The following HSF2 variants were observed in gnomAD, a reference collection of about 807,000 sequenced individuals.
HSF2 encodes the protein heat shock factor protein 2.
A neutral mutation model predicts 65.0 loss-of-function variants in HSF2; 21 were observed. The ratio of observed to expected loss-of-function variants is 0.32; its 90% CI spans 0.23 to 0.47. HSF2 has a LOEUF of 0.47. Ranked by LOEUF, HSF2 falls within the 20% of genes least tolerant of loss-of-function variation. The pLI is 1.00. For missense variants in HSF2, 499 were observed against 628.1 expected (o/e 0.79, Z 2.20); for synonymous variants, 225 against 219.1 (o/e 1.03, Z -0.24).
At chr6:122,412,884 G>T in intron 3 of HSF2, 120 bp downstream of exon 3, 1 of 901,768 alleles carries the variant, frequency 1.1e-6, no homozygotes, top group South Asian at 2.9e-5. Flanking sequence ...GGATGAATTA[G>T]GATAATAAAG....
chr6:122,399,680 C>CGCCGTAGCTGCT lies in HSF2; in HGVS notation c.-54_-53insTAGCTGCTGCCG. Reference sequence around the variant, plus strand: ...CTCGGGGAGCTGCTGCCGTAGCTGCCGCCGCCGCTACCACCGCGTTCGGGT... The same window carrying CGCCGTAGCTGCT: ...CTCGGGGAGCTGCTGCCGTAGCTGCCGCCGTAGCTGCTGCCGCCGCTACCACCGCGTTCGGGT... On this transcript the variant is annotated 5_prime_UTR_variant, in exon 1 of 13. Transcript: ENST00000368455. 1.4e-6 allele frequency: 2 copies of CGCCGTAGCTGCT among 1,434,896 alleles called. No homozygotes were observed. Among genetic ancestry groups the CGCCGTAGCTGCT allele is most frequent in the East Asian group, 2.4e-5 (1 of 41,364 alleles). 88.9% of individuals were successfully genotyped at this position (1,434,896 alleles called of 1,614,324 possible). A position where few individuals can be genotyped will look rare whatever the true frequency, so the allele number is the denominator to read the frequency against.
At chr6:122,408,177 T>G (rs1385313819) in intron 1 of HSF2, among the ~76,000 whole-genome samples, 1 of 152,172 alleles carries the variant, frequency 6.6e-6, no homozygotes, top group Non-Finnish European at 1.5e-5. Context: ...GGAGTCTTTA[T>G]GCCATTCCAT....
chr6:122,423,541 G>A, intron 9 of HSF2, 40 bp from the exon 10 acceptor site: 1 of 1,046,176 alleles, frequency 9.6e-7, no homozygotes, highest in Non-Finnish European at 1.4e-6. Context: ...TAAAAACAAG[G>A]ATATCTAATA....
At chr6:122,405,551 C>T (rs887544136) in intron 1 of HSF2, among the ~76,000 whole-genome samples, 2 of 152,014 alleles carry the variant, frequency 1.3e-5, no homozygotes, top group African/African-American at 4.8e-5. Context: ...AGATTCTTAC[C>T]TTATTGGAAG....
chr6:122,400,619 C>G (rs1290990240), intron 1 of HSF2, among the ~76,000 whole-genome samples: 2 of 152,136 alleles, frequency 1.3e-5, no homozygotes, highest in African/African-American at 2.4e-5. Flanking sequence ...TAGTCCAGCC[C>G]TTTATCTTGT....
rs1774199560 is a variant in HSF2 at position 122,420,073 on chromosome 6, A to G, written c.594-62A>G. 3 of 1,522,288 alleles carry G rather than the reference A, an allele frequency of 2.0e-6. No homozygotes were observed. In the Admixed American group the frequency reaches 6.6e-5, roughly 34 times the overall value. 94.3% of individuals were successfully genotyped at this position (1,522,288 alleles called of 1,614,324 possible). ...TGTGTGTGTGTTTGGGTAAGTTAAT[A>G]GAGGGAGTTTAAATTCATTGTATGT... On this transcript the variant is annotated intron_variant, in intron 6 of 12. Transcript: ENST00000368455.
At chr6:122,413,276 ACT>A (rs1323446551) in intron 3 of HSF2, among the ~76,000 whole-genome samples, 1 of 151,164 alleles carries the variant, frequency 6.6e-6, no homozygotes, top group Non-Finnish European at 1.5e-5. Context: ...AGAATAAAAG[ACT>A]CTAAGATATT....
rs1422167849 is a variant in HSF2, at chr6:122,432,491, T to C, written c.*271T>C. 2 of 347,504 alleles carry C rather than the reference T, an allele frequency of 5.8e-6. No individual in the cohort carries two copies. The highest frequency in any genetic ancestry group is 9.0e-5 in the South Asian group (2 of 22,292). The allele number at this position is 347,504 out of a possible 1,614,324, so 21.5% of individuals were successfully genotyped here. Reference sequence around the variant, plus strand: ...GCCATTTTTCTCCAATTTTGGTAAATTGGATATCTTTTTTTTACAAATACG... The same window carrying C: ...GCCATTTTTCTCCAATTTTGGTAAACTGGATATCTTTTTTTTACAAATACG... On this transcript the variant is annotated 3_prime_UTR_variant, in exon 13 of 13. Transcript: ENST00000368455.
intron 8 of HSF2, 70 bp from the exon 9 acceptor site, chr6:122,422,648 G>A: frequency 1.3e-6 from 2 of 1,483,402 alleles, no homozygotes; most frequent in Non-Finnish European, 1.9e-6. Context: ...TTTCCATTTA[G>A]AATGAATGGA....
Position 122,412,889 on chromosome 6 carries a change from A to G in HSF2, c.330+125A>G, listed in dbSNP as rs1774033894. 3.4e-6 allele frequency: 3 copies of G among 895,430 alleles called. No individual in the cohort carries two copies. In the South Asian group the frequency reaches 8.8e-5, roughly 26 times the overall value. The allele number at this position is 895,430 out of a possible 1,614,324, so 55.5% of individuals were successfully genotyped here. A position where few individuals can be genotyped will look rare whatever the true frequency, so the allele number is the denominator to read the frequency against. On this transcript the variant is annotated intron_variant, in intron 3 of 12. Transcript: ENST00000368455. ...TTCCTTGTTGGGATGAATTAGGATAATAAAGTTTTACTTGTTTCCCTGTAT... is the reference window on the plus strand; with the variant it reads ...TTCCTTGTTGGGATGAATTAGGATAGTAAAGTTTTACTTGTTTCCCTGTAT...
intron 5 of HSF2, 85 bp from the exon 6 acceptor site, chr6:122,419,083 A>G: frequency 1.5e-6 from 1 of 670,472 alleles, no homozygotes; most frequent in Non-Finnish European, 2.6e-6. Context: ...ACAAATTATT[A>G]TATGAATTTG....
intron 1 of HSF2, among the ~76,000 whole-genome samples, chr6:122,405,063 C>T (rs765406462): frequency 2.6e-5 from 4 of 151,886 alleles, no homozygotes; most frequent in Admixed American, 1.3e-4. Flanking sequence ...GGAATTCATT[C>T]AGTAGTGAAC....
chr6:122,429,167 C>G (rs952773274), intron 11 of HSF2, among the ~76,000 whole-genome samples: 1 of 151,988 alleles, frequency 6.6e-6, no homozygotes, highest in African/African-American at 2.4e-5. Context: ...ATAACATGCT[C>G]TGTGTTTCAG....
At position 122,410,178 on chromosome 6, in the gene HSF2, A is replaced by G. The variant is rs539044673; in HGVS notation, c.94-2195A>G. The stretch of plus-strand genomic sequence containing the variant: ...GAACTTATGTACCTAACATTTGGTT[A>G]TGATAGCATCAATTCATCTTTACTC... On this transcript the variant is annotated intron_variant, in intron 1 of 12. Transcript: ENST00000368455. Among the ~76,000 whole-genome samples the G allele has an allele frequency of 8.5e-5, 13 of 152,048 alleles. No individual in the cohort carries two copies. The South Asian group carries it at 2.3e-3, about 27-fold the overall frequency.
chr6:122,407,367 T>A (rs1026758673), intron 1 of HSF2, among the ~76,000 whole-genome samples: 3 of 152,202 alleles, frequency 2.0e-5, no homozygotes, highest in African/African-American at 7.2e-5. Flanking sequence ...TCACACCAGC[T>A]TATTCCGCTA....
intron 4 of HSF2, among the ~76,000 whole-genome samples, chr6:122,415,204 G>A (rs765130736): frequency 6.6e-6 from 1 of 152,136 alleles, no homozygotes; most frequent in Non-Finnish European, 1.5e-5. Context: ...ATTCATATTT[G>A]GCAAGTTATT....
chr6:122,431,525 A>G lies in HSF2; in HGVS notation c.1315+11A>G. The G allele has an allele frequency of 2.1e-6, 3 of 1,462,260 alleles. No individual in the cohort carries two copies. The East Asian group carries it at 6.9e-5, about 33-fold the overall frequency. The allele number at this position is 1,462,260 out of a possible 1,614,324, so 90.6% of individuals were successfully genotyped here. Reference sequence around the variant, plus strand: ...CTAAATCCAAACCAGGTAGGTATAAATATAGTATTCAGTCTCTGTAGGTTT... The same window carrying G: ...CTAAATCCAAACCAGGTAGGTATAAGTATAGTATTCAGTCTCTGTAGGTTT... On this transcript the variant is annotated intron_variant, in intron 12 of 12. Transcript: ENST00000368455.
At chr6:122,420,097 G>A in intron 6 of HSF2, 38 bp from the exon 7 acceptor site, 8 of 1,563,288 alleles carry the variant, frequency 5.1e-6, no homozygotes, top group Non-Finnish European at 6.9e-6. Flanking sequence ...TTCATTGTAT[G>A]TTTGCTTCAC....
rs141859672 is a variant in HSF2, at chr6:122,408,523, T to A, written c.94-3850T>A. Among the ~76,000 whole-genome samples the A allele has an allele frequency of 2.4e-4, 36 of 152,270 alleles. No homozygotes were observed. In the East Asian group the frequency reaches 6.8e-3, roughly 29 times the overall value. ...GTTCATTTTCTTCCTGGATATCTTA[T>A]ATATGTTGTAAATGGTGTTCTTGAC... On this transcript the variant is annotated intron_variant, in intron 1 of 12. Coordinates refer to ENST00000368455, the MANE Select transcript of HSF2 (RefSeq NM_004506.4).
Sources: gnomAD v4.1 joint callset for allele counts (sites outside exome capture counted in the v4.1 genomes callset) on GRCh38, gnomAD v4.1.1 for gene constraint, MANE v1.5 for transcripts, NCBI Gene and HGNC (gene_info 2026-07-23, HGNC 2026-07-21) for gene names.